DCC: variants seen among roughly 807,000 people sequenced by gnomAD.
DCC encodes netrin receptor DCC.
DCC carries 58 observed loss-of-function variants against 172.5 expected under a neutral mutation model. The ratio of observed to expected loss-of-function variants is 0.34; its 90% CI spans 0.27 to 0.42. The LOEUF (loss-of-function observed/expected upper bound fraction) is 0.42, where lower values mean the gene tolerates loss of function less well. Among genes scored for constraint, DCC ranks in the 10% least tolerant of loss-of-function variants. The pLI, the probability that DCC is intolerant of heterozygous loss-of-function variation, is 1.00. For synonymous variants in DCC, 709 were observed against 644.5 expected, an observed-to-expected ratio of 1.10 and a Z score of -1.52; for missense variants, 1,740 against 1,791.0, an observed-to-expected ratio of 0.97 and a Z score of 0.51.
chr18:52,639,488 C>T (rs902409275), intron 1 of DCC, among the ~76,000 whole-genome samples: 4 of 152,030 alleles, frequency 2.6e-5, no homozygotes, highest in Admixed American at 1.3e-4. Context: ...TTACAACTGA[C>T]AGCACTGAAA....
At chr18:52,696,945 A>T (rs1000101787) in intron 1 of DCC, among the ~76,000 whole-genome samples, 3 of 152,178 alleles carry the variant, frequency 2.0e-5, no homozygotes, top group African/African-American at 7.2e-5. Flanking sequence ...GGATGGGACC[A>T]AGTATCTGCT....
intron 1 of DCC, among the ~76,000 whole-genome samples, chr18:52,663,749 A>G (rs1266275170): frequency 6.6e-6 from 1 of 152,220 alleles, no homozygotes; most frequent in Non-Finnish European, 1.5e-5. Flanking sequence ...TCCATAGTAG[A>G]AAGTCATTTA....
At chr18:52,613,694 A>G (rs1463857572) in intron 1 of DCC, among the ~76,000 whole-genome samples, 2 of 152,196 alleles carry the variant, frequency 1.3e-5, no homozygotes, top group African/African-American at 4.8e-5. Flanking sequence ...TAACACTTAA[A>G]TAGCTGTACC....
chr18:53,242,812 A>T (rs1163694006), intron 12 of DCC, among the ~76,000 whole-genome samples: 1 of 152,072 alleles, frequency 6.6e-6, no homozygotes, highest in African/African-American at 2.4e-5. Context: ...TAGGCACTGA[A>T]TAAAAGTATC....
At chr18:52,905,972 G>C in intron 2 of DCC, 72 bp from the exon 3 acceptor site, 1 of 1,026,400 alleles carries the variant, frequency 9.7e-7, no homozygotes, top group Non-Finnish European at 1.5e-6. Context: ...AGAATACAAA[G>C]TGATTATTTT....
intron 1 of DCC, among the ~76,000 whole-genome samples, chr18:52,512,805 G>C (rs1443121495): frequency 6.6e-6 from 1 of 152,158 alleles, no homozygotes; most frequent in East Asian, 1.9e-4. Context: ...AGTGGTTACT[G>C]TTTTGAATGA....
intron 7 of DCC, among the ~76,000 whole-genome samples, chr18:53,117,871 A>C (rs2043429492): frequency 6.6e-6 from 1 of 151,766 alleles, no homozygotes; most frequent in Non-Finnish European, 1.5e-5. Flanking sequence ...CATTCTTGTC[A>C]CGTCATGAAC....
At chr18:52,380,766 G>T (rs1273765237) in intron 1 of DCC, among the ~76,000 whole-genome samples, 1 of 152,044 alleles carries the variant, frequency 6.6e-6, no homozygotes, top group African/African-American at 2.4e-5. Flanking sequence ...AATCAATTAC[G>T]TACATAGCTT....
At chr18:53,516,632 G>A (rs923857680) in intron 27 of DCC, among the ~76,000 whole-genome samples, 3 of 151,166 alleles carry the variant, frequency 2.0e-5, no homozygotes, top group Non-Finnish European at 2.9e-5. Flanking sequence ...CAAAAAGTGG[G>A]CAAAGCACAT....
intron 1 of DCC, among the ~76,000 whole-genome samples, chr18:52,388,657 G>A (rs1985912738): frequency 6.6e-6 from 1 of 151,960 alleles, no homozygotes; most frequent in Admixed American, 6.6e-5. Context: ...GCTTCCTGCA[G>A]GTAAACTGGA....
At chr18:52,662,271 C>T (rs1376408955) in intron 1 of DCC, among the ~76,000 whole-genome samples, 2 of 152,082 alleles carry the variant, frequency 1.3e-5, no homozygotes, top group African/African-American at 4.8e-5. Context: ...AACTACTGTT[C>T]TAGGAGATTC....
intron 2 of DCC, among the ~76,000 whole-genome samples, chr18:52,809,857 A>T (rs905881961): frequency 6.6e-6 from 1 of 152,134 alleles, no homozygotes; most frequent in Non-Finnish European, 1.5e-5. Flanking sequence ...CTCTCAGATG[A>T]TAACTGATTT....
intron 8 of DCC, among the ~76,000 whole-genome samples, chr18:53,169,104 T>C (rs1309828656): frequency 6.6e-6 from 1 of 152,228 alleles, no homozygotes; most frequent in Non-Finnish European, 1.5e-5. Context: ...TAGATCTCAA[T>C]GTAAATTGCA....
chr18:53,177,729 A>G (rs534656443), intron 8 of DCC, among the ~76,000 whole-genome samples: 4 of 152,134 alleles, frequency 2.6e-5, no homozygotes, highest in African/African-American at 9.7e-5. Context: ...CACATCACAT[A>G]CACTCAACCT....
intron 7 of DCC, among the ~76,000 whole-genome samples, chr18:53,081,807 A>T (rs1381002218): frequency 6.6e-6 from 1 of 152,026 alleles, no homozygotes; most frequent in African/African-American, 2.4e-5. Flanking sequence ...GGCTACTAAG[A>T]TTTGTAATTA....
At chr18:52,514,122 G>T (rs557382391) in intron 1 of DCC, among the ~76,000 whole-genome samples, 57 of 151,706 alleles carry the variant, frequency 3.8e-4, no homozygotes, top group Non-Finnish European at 6.0e-4. Context: ...ATTATTTTTT[G>T]ATAAAATCCT....
intron 7 of DCC, among the ~76,000 whole-genome samples, chr18:53,107,943 T>G (rs2043274613): frequency 6.6e-6 from 1 of 151,820 alleles, no homozygotes; most frequent in Admixed American, 6.6e-5. Context: ...TATCTCACTG[T>G]TCTCTTTCAC....
Position 52,943,703 on chromosome 18 carries a change from T to A in DCC, c.985+18333T>A, listed in dbSNP as rs142772638. Reference sequence around the variant, plus strand: ...TAGAGGATATTCTGAGTTTATGTTGTAAATTGTAATTTTCCAAAGGACTGG... The same window carrying A: ...TAGAGGATATTCTGAGTTTATGTTGAAAATTGTAATTTTCCAAAGGACTGG... On this transcript the variant is annotated intron_variant, in intron 5 of 28. Transcript: ENST00000442544. 5.0e-3 allele frequency among the ~76,000 whole-genome samples: 761 copies of A among 151,516 alleles called. 6 individuals carry two copies. The highest frequency in any genetic ancestry group is 0.018 in the African/African-American group (730 of 41,292).
At chr18:52,489,647 T>C (rs531908074) in intron 1 of DCC, among the ~76,000 whole-genome samples, 3 of 152,226 alleles carry the variant, frequency 2.0e-5, no homozygotes, top group African/African-American at 7.2e-5. Context: ...CCACAATGGA[T>C]AGATATTTGT....
Sources: gnomAD v4.1 joint callset for allele counts (sites outside exome capture counted in the v4.1 genomes callset) on GRCh38, gnomAD v4.1.1 for gene constraint, MANE v1.5 for transcripts, NCBI Gene and HGNC (gene_info 2026-07-23, HGNC 2026-07-21) for gene names.